PRKCA: variants seen among roughly 807,000 people sequenced by gnomAD.
PRKCA encodes the protein protein kinase C alpha.
In PRKCA, 27 loss-of-function variants were observed where a neutral mutation model predicts 87.0. The observed-to-expected ratio is 0.31, with a 90% CI of 0.23 to 0.43. The LOEUF is 0.43. Ranked by LOEUF, PRKCA falls within the 20% of genes least tolerant of loss-of-function variation. The probability of loss-of-function intolerance (pLI) is 1.00; values close to 1 mark genes in which losing one functional copy is unlikely to be tolerated. For synonymous variants in PRKCA, 329 were observed against 311.1 expected (o/e 1.06, Z -0.61); for missense variants, 518 against 852.3 (o/e 0.61, Z 4.88).
At chr17:66,433,391 G>C (rs1913202112) in intron 2 of PRKCA, among the ~76,000 whole-genome samples, 1 of 152,166 alleles carries the variant, frequency 6.6e-6, no homozygotes, top group South Asian at 2.1e-4. Context: ...TCCCTGCTGA[G>C]CTATTGCAGA....
intron 2 of PRKCA, among the ~76,000 whole-genome samples, chr17:66,456,959 T>G (rs1002868620): frequency 1.4e-4 from 22 of 152,176 alleles, no homozygotes; most frequent in Middle Eastern, 3.2e-3. Flanking sequence ...GGCTGCTGCT[T>G]CTTCTGTACA....
chr17:66,741,405 AAGCT>A (rs1439927579), intron 11 of PRKCA, among the ~76,000 whole-genome samples: 1 of 152,208 alleles, frequency 6.6e-6, no homozygotes, highest in African/African-American at 2.4e-5. Context: ...TGCAGGCAAT[AAGCT>A]ACTTGTCCAC....
At chr17:66,687,321 A>G in intron 6 of PRKCA, 54 bp downstream of exon 6, 3 of 1,544,526 alleles carry the variant, frequency 1.9e-6, no homozygotes, top group Non-Finnish European at 2.6e-6. Flanking sequence ...GCAGTTGCCC[A>G]CCTCATTATT....
In PRKCA at chr17:66,636,079, C is replaced by T. The variant is rs573602632; in HGVS notation, c.289-5276C>T. On this transcript the variant is annotated intron_variant, in intron 3 of 16. Transcript: ENST00000413366. ...CTCAGCATCCTTAGGCACCACCTGA[C>T]GTTTTAAAAATGCTGATCCCACCCA... is the stretch of plus-strand genomic sequence containing the variant. 2.0e-5 allele frequency among the ~76,000 whole-genome samples: 3 copies of T among 152,258 alleles called. No individual in the cohort carries two copies. The East Asian group carries it at 5.8e-4, about 29-fold the overall frequency.
At chr17:66,391,231 C>T (rs1352059063) in intron 2 of PRKCA, among the ~76,000 whole-genome samples, 2 of 152,330 alleles carry the variant, frequency 1.3e-5, no homozygotes, top group East Asian at 3.9e-4. Context: ...CACACGTGGA[C>T]AGATTCAGCC....
At chr17:66,763,295 G>A (rs1255756448) in intron 13 of PRKCA, among the ~76,000 whole-genome samples, 3 of 152,194 alleles carry the variant, frequency 2.0e-5, no homozygotes, top group Non-Finnish European at 4.4e-5. Context: ...CCCAACCAGG[G>A]AGAAGTCTGG....
rs1975948079 is a variant in PRKCA at position 66,803,475 on chromosome 17, T to C, written c.1855-398T>C. On this transcript the variant is annotated intron_variant, in intron 16 of 16. Coordinates refer to ENST00000413366, the MANE Select transcript of PRKCA (RefSeq NM_002737.3). The surrounding 1 kb of genome is among the most constrained non-coding windows in gnomAD (Gnocchi z 4.4). Reference sequence around the variant, plus strand: ...CTCACCCCGTCGCTTGGTCCAGGGGTAACTGCCTGCAGCCCCAGCCGACAT... The same window carrying C: ...CTCACCCCGTCGCTTGGTCCAGGGGCAACTGCCTGCAGCCCCAGCCGACAT... Among the ~76,000 whole-genome samples the C allele has an allele frequency of 6.6e-6, 1 of 152,100 alleles. No individual in the cohort carries two copies.
chr17:66,585,805 G>A (rs991422049), intron 3 of PRKCA, among the ~76,000 whole-genome samples: 5 of 152,226 alleles, frequency 3.3e-5, no homozygotes, highest in African/African-American at 4.8e-5. Context: ...TGAAGGTGAC[G>A]GTGTCTACCC....
intron 2 of PRKCA, among the ~76,000 whole-genome samples, chr17:66,481,150 C>T (rs1414757968): frequency 2.0e-5 from 3 of 152,138 alleles, no homozygotes; most frequent in Non-Finnish European, 4.4e-5. Context: ...ATTCCCCAGG[C>T]ACTCACACCT....
intron 13 of PRKCA, among the ~76,000 whole-genome samples, chr17:66,756,371 CTT>C (rs1974548086): frequency 6.6e-6 from 1 of 152,088 alleles, no homozygotes; most frequent in Non-Finnish European, 1.5e-5. Flanking sequence ...CCAAGAAGCA[CTT>C]GTGAAGGTCA....
At chr17:66,467,705 A>G (rs1206646430) in intron 2 of PRKCA, among the ~76,000 whole-genome samples, 1 of 151,944 alleles carries the variant, frequency 6.6e-6, no homozygotes, top group African/African-American at 2.4e-5. Context: ...CCACAGGTGC[A>G]TGCTAGTATG....
intron 5 of PRKCA, among the ~76,000 whole-genome samples, chr17:66,656,140 A>G (rs1971729232): frequency 6.6e-6 from 1 of 152,166 alleles, no homozygotes; most frequent in African/African-American, 2.4e-5. Context: ...AGGGGCAAAG[A>G]GTTGCCAGTG....
intron 2 of PRKCA, among the ~76,000 whole-genome samples, chr17:66,344,527 A>C (rs528279466): frequency 3.0e-4 from 46 of 152,274 alleles, no homozygotes; most frequent in Non-Finnish European, 2.8e-4. Context: ...ACAACAACAA[A>C]AAAACAGTTA....
chr17:66,417,344 T>C (rs1021776387), intron 2 of PRKCA, among the ~76,000 whole-genome samples: 8 of 152,170 alleles, frequency 5.3e-5, no homozygotes, highest in Non-Finnish European at 1.0e-4. Flanking sequence ...GTCTGGCTAG[T>C]GTGAACTTTG....
At chr17:66,507,395 T>TG (rs1567864667) in intron 3 of PRKCA, among the ~76,000 whole-genome samples, 1 of 152,216 alleles carries the variant, frequency 6.6e-6, no homozygotes, top group Non-Finnish European at 1.5e-5. Context: ...CAGTACCACG[T>TG]GACTGAACAG....
intron 2 of PRKCA, among the ~76,000 whole-genome samples, chr17:66,397,488 T>A (rs1353335929): frequency 2.6e-5 from 4 of 152,040 alleles, no homozygotes; most frequent in South Asian, 4.2e-4. Context: ...AGAAAAGATA[T>A]ATCTTTAAAA....
chr17:66,553,240 C>T (rs189311411), intron 3 of PRKCA, among the ~76,000 whole-genome samples: 136 of 152,216 alleles, frequency 8.9e-4, no homozygotes, highest in African/African-American at 3.1e-3. Context: ...CCTCAGCCTC[C>T]CAAAGTTCTG....
At chr17:66,418,362 A>G (rs916025118) in intron 2 of PRKCA, among the ~76,000 whole-genome samples, 2 of 152,218 alleles carry the variant, frequency 1.3e-5, no homozygotes, top group Non-Finnish European at 2.9e-5. Context: ...AATATACAGT[A>G]AACAGTAAAA....
rs557249907 is a variant in PRKCA at position 66,451,389 on chromosome 17, C to T, written c.206-44812C>T. On this transcript the variant is annotated intron_variant, in intron 2 of 16. Transcript: ENST00000413366. ...ATTTATTTATTTATTTATTTATTAC[C>T]TAAAACAAGTTCAGTGGAAGATGCT... is the stretch of plus-strand genomic sequence containing the variant. Among the ~76,000 whole-genome samples the T allele has an allele frequency of 7.0e-5, 9 of 129,388 alleles. No individual in the cohort carries two copies. In the South Asian group the frequency reaches 2.4e-3, roughly 35 times the overall value. 84.9% of individuals were successfully genotyped at this position (129,388 alleles called of 152,430 possible). A position where few individuals can be genotyped will look rare whatever the true frequency, so the allele number is the denominator to read the frequency against.
Sources: allele counts gnomAD v4.1 joint callset (sites outside exome capture counted in the v4.1 genomes callset), GRCh38; gene constraint gnomAD v4.1.1; non-coding constraint Gnocchi (gnomAD v3.1); transcripts MANE v1.5; gene names NCBI Gene and HGNC (gene_info 2026-07-23, HGNC 2026-07-21).